MARCHF1: variants seen among roughly 807,000 people sequenced by gnomAD.
MARCHF1 encodes membrane associated ring-CH-type finger 1.
Under a neutral mutation model 54.2 loss-of-function variants are expected in MARCHF1, and 40 were observed. The observed-to-expected ratio is 0.74, with a 90% CI of 0.57 to 0.96. MARCHF1 has a LOEUF of 0.96. Among genes scored for constraint, MARCHF1 ranks in the 40% least tolerant of loss-of-function variants. The probability of loss-of-function intolerance (pLI) is 0.00; values close to 1 mark genes in which losing one functional copy is unlikely to be tolerated. For missense variants in MARCHF1, 586 were observed against 656.5 expected (o/e 0.89, Z 1.17); for synonymous variants, 236 against 236.3 (o/e 1.00, Z 0.01).
At chr4:164,079,626 A>G (rs1429527772) in intron 2 of MARCHF1, among the ~76,000 whole-genome samples, 2 of 152,202 alleles carry the variant, frequency 1.3e-5, no homozygotes, top group African/African-American at 2.4e-5. Context: ...TAGCAGTTGA[A>G]TGAATAATCT....
At chr4:164,114,156 C>T (rs1579546449) in intron 1 of MARCHF1, among the ~76,000 whole-genome samples, 1 of 151,870 alleles carries the variant, frequency 6.6e-6, no homozygotes, top group East Asian at 1.9e-4. Flanking sequence ...ATACGTTTAT[C>T]TACCTATCAG....
intron 2 of MARCHF1, among the ~76,000 whole-genome samples, chr4:164,081,034 C>G (rs1170675305): frequency 2.0e-5 from 3 of 148,360 alleles, no homozygotes; most frequent in African/African-American, 4.9e-5. Flanking sequence ...CAGTGAAACC[C>G]CGTGTCTACT....
chr4:163,688,529 T>A (rs965355373), intron 5 of MARCHF1, among the ~76,000 whole-genome samples: 1 of 152,192 alleles, frequency 6.6e-6, no homozygotes, highest in Non-Finnish European at 1.5e-5. Context: ...AAATTATTTC[T>A]TAAAATAAGT....
chr4:163,676,288 C>T (rs1323591036), intron 5 of MARCHF1, among the ~76,000 whole-genome samples: 1 of 147,246 alleles, frequency 6.8e-6, no homozygotes, highest in Non-Finnish European at 1.5e-5. Flanking sequence ...ACGCGGGAGG[C>T]GGATGTTGCA....
rs143064386 is a variant in MARCHF1 at position 163,696,368 on chromosome 4, C to T, written c.162+4445G>A. 3.2e-3 allele frequency among the ~76,000 whole-genome samples: 486 copies of T among 152,200 alleles called. 2 individuals carry two copies. Among genetic ancestry groups the T allele is most frequent in the Non-Finnish European group, 5.3e-3 (360 of 68,004 alleles). On this transcript the variant is annotated intron_variant, in intron 5 of 9. Transcript: ENST00000514618. ...GTTTATAAGACACAGTCCTGAATGG[C>T]AAAAATAATAATGTTCCATTTCATA...
At position 163,528,340 on chromosome 4, in the gene MARCHF1, G is replaced by A. The variant is rs1352438956; in HGVS notation, c.*408C>T. The A allele has an allele frequency of 6.2e-6, 1 of 161,584 alleles. No individual in the cohort carries two copies. Among genetic ancestry groups the A allele is most frequent in the Non-Finnish European group, 1.3e-5 (1 of 74,336 alleles). 10.0% of individuals were successfully genotyped at this position (161,584 alleles called of 1,614,324 possible). A position where few individuals can be genotyped will look rare whatever the true frequency, so the allele number is the denominator to read the frequency against. ...AAATATGTTAGTTATTTCCAGATGAGACAGTTAACATTACAAGGCCCTAGA... is the reference window on the plus strand; with the variant it reads ...AAATATGTTAGTTATTTCCAGATGAAACAGTTAACATTACAAGGCCCTAGA... On this transcript the variant is annotated 3_prime_UTR_variant, in exon 10 of 10. Transcript: ENST00000514618.
In MARCHF1 at chr4:164,021,357, GT is replaced by G. The variant is rs898466740; in HGVS notation, c.-247-32649del. 1.6e-4 allele frequency among the ~76,000 whole-genome samples: 24 copies of G among 152,108 alleles called. 1 individual carries two copies. The highest frequency in any genetic ancestry group is 5.8e-4 in the African/African-American group (24 of 41,410). On this transcript the variant is annotated intron_variant, in intron 2 of 9. Transcript: ENST00000514618. Reference sequence around the variant, plus strand: ...TTAATTCTCTTGCTCCATCAACTCTGTGGATAAAATGGTGTCCTGCTGATAC... The same window carrying G: ...TTAATTCTCTTGCTCCATCAACTCTGGGATAAAATGGTGTCCTGCTGATAC...
At chr4:164,065,780 C>CG (rs1171805372) in intron 2 of MARCHF1, among the ~76,000 whole-genome samples, 1 of 152,144 alleles carries the variant, frequency 6.6e-6, no homozygotes, top group Non-Finnish European at 1.5e-5. Context: ...AGGCAAACCA[C>CG]TGGTGTAATA....
chr4:164,146,662 A>C (rs1000962064), intron 1 of MARCHF1, among the ~76,000 whole-genome samples: 12 of 152,094 alleles, frequency 7.9e-5, no homozygotes, highest in African/African-American at 2.9e-4. Flanking sequence ...CACCTTATAC[A>C]AAAATCAATT....
chr4:163,802,300 A>G (rs1419201457), intron 4 of MARCHF1, among the ~76,000 whole-genome samples: 4 of 152,170 alleles, frequency 2.6e-5, no homozygotes, highest in African/African-American at 7.2e-5. Context: ...AGGTGGGCCT[A>G]TATATTTTTT....
At chr4:163,707,959 G>A (rs1252026982) in intron 4 of MARCHF1, among the ~76,000 whole-genome samples, 4 of 151,834 alleles carry the variant, frequency 2.6e-5, no homozygotes, top group Non-Finnish European at 4.4e-5. Flanking sequence ...ACTGGGGAGT[G>A]GGCACAGAGG....
At chr4:164,125,059 G>A (rs1220077129) in intron 1 of MARCHF1, among the ~76,000 whole-genome samples, 1 of 151,860 alleles carries the variant, frequency 6.6e-6, no homozygotes, top group Non-Finnish European at 1.5e-5. Flanking sequence ...GACCTACTAT[G>A]TACTCACCCA....
At chr4:163,635,267 T>G (rs1265101590) in intron 5 of MARCHF1, among the ~76,000 whole-genome samples, 1 of 126,148 alleles carries the variant, frequency 7.9e-6, no homozygotes, top group African/African-American at 3.3e-5. Context: ...CTGAAGGAAA[T>G]AGAGACACAA....
chr4:163,695,275 T>C (rs1744584532), intron 5 of MARCHF1, among the ~76,000 whole-genome samples: 1 of 152,146 alleles, frequency 6.6e-6, no homozygotes, highest in Non-Finnish European at 1.5e-5. Context: ...TATGGAGAGA[T>C]GAAGATTTAC....
intron 1 of MARCHF1, among the ~76,000 whole-genome samples, chr4:164,373,515 C>T (rs1461630122): frequency 6.6e-6 from 1 of 151,752 alleles, no homozygotes; most frequent in Non-Finnish European, 1.5e-5. Flanking sequence ...CCACCATGCC[C>T]AGCTAATTTT....
At chr4:163,740,386 A>G (rs770565180) in intron 4 of MARCHF1, among the ~76,000 whole-genome samples, 1 of 152,216 alleles carries the variant, frequency 6.6e-6, no homozygotes, top group Non-Finnish European at 1.5e-5. Context: ...CAGTTTCATG[A>G]TGTGGGCAGA....
At chr4:163,726,052 C>A (rs1036598811) in intron 4 of MARCHF1, among the ~76,000 whole-genome samples, 1 of 152,080 alleles carries the variant, frequency 6.6e-6, no homozygotes. Flanking sequence ...TATCCCCCAT[C>A]CCTACATATA....
At chr4:163,863,203 G>A (rs748319751) in intron 3 of MARCHF1, among the ~76,000 whole-genome samples, 9 of 152,004 alleles carry the variant, frequency 5.9e-5, no homozygotes, top group Non-Finnish European at 1.3e-4. Context: ...TGGAAAGCAG[G>A]CTGTGAAAAA....
chr4:163,990,375 A>G (rs1215959304), intron 2 of MARCHF1, among the ~76,000 whole-genome samples: 2 of 152,172 alleles, frequency 1.3e-5, no homozygotes, highest in African/African-American at 4.8e-5. Flanking sequence ...AAAATTACAG[A>G]TGTTTCTGAT....
Sources: gnomAD v4.1 joint callset for allele counts (sites outside exome capture counted in the v4.1 genomes callset) on GRCh38, gnomAD v4.1.1 for gene constraint, MANE v1.5 for transcripts, NCBI Gene and HGNC (gene_info 2026-07-23, HGNC 2026-07-21) for gene names.